The following AFAP1L1 variants were observed in gnomAD, a reference collection of about 807,000 sequenced individuals.
The protein encoded by AFAP1L1 is actin filament-associated protein 1-like 1.
AFAP1L1 carries 77 observed loss-of-function variants against 99.8 expected under a neutral mutation model. The observed-to-expected ratio is 0.77, with a 90% CI of 0.64 to 0.93. The LOEUF (loss-of-function observed/expected upper bound fraction) is 0.93, where lower values mean the gene tolerates loss of function less well. AFAP1L1 is among the 40% of genes least tolerant of loss of function. The pLI is 0.00. For missense variants in AFAP1L1, 893 were observed against 996.8 expected (o/e 0.90, Z 1.40); for synonymous variants, 373 against 395.3 (o/e 0.94, Z 0.67).
chr5:149,299,410 G>A, intron 1 of AFAP1L1, 99 bp from the exon 2 acceptor site: 6 of 1,518,076 alleles, frequency 4.0e-6, no homozygotes, highest in Non-Finnish European at 4.4e-6. Flanking sequence ...CCTGCCCTCT[G>A]ACCCCTTCCG....
At chr5:149,334,890 A>G (rs1757359639) in intron 17 of AFAP1L1, among the ~76,000 whole-genome samples, 3 of 152,042 alleles carry the variant, frequency 2.0e-5, no homozygotes, top group Admixed American at 2.0e-4. Flanking sequence ...CAAAAAAAAA[A>G]GAAAGAAAGG....
chr5:149,319,653 G>A lies in AFAP1L1; in HGVS notation c.1551G>A (p.Pro517=), dbSNP rs144786374. 1.7e-5 allele frequency: 28 copies of A among 1,612,808 alleles called. No individual in the cohort carries two copies. The African/African-American group carries it at 2.7e-4, about 15-fold the overall frequency. The change falls in exon 13 of 19, where the codon CCG becomes CCA. Residue 517 remains proline (P), a synonymous_variant. Transcript: ENST00000296721. ...LLVEMGSRVT[P]EALHYDYVDV... ...TGGAGATGGGCTCCAGAGTCACTCC[G>A]GAGGCGCTGCACTATGACTACGTGG...
At chr5:149,302,880 T>A (rs1448754134) in intron 5 of AFAP1L1, among the ~76,000 whole-genome samples, 1 of 152,202 alleles carries the variant, frequency 6.6e-6, no homozygotes, top group Non-Finnish European at 1.5e-5. Flanking sequence ...ACCACCACTA[T>A]ACTGTTCCCC....
In AFAP1L1 at chr5:149,315,838, G is replaced by A; in HGVS notation, c.1038G>A (p.Lys346=). The A allele has an allele frequency of 6.2e-7, 1 of 1,614,168 alleles. No homozygotes were observed. The highest frequency in any genetic ancestry group is 1.3e-5 in the African/African-American group (1 of 75,062). The stretch of plus-strand genomic sequence containing the variant: ...CTCCTCAGAGGCTGTCCCAAGAGAA[G>A]CAGACCTCAGATTCTGACAGCGTGG... ...LDLDKRLSQE[K]QTSDSDSVGV... Residue 346 remains lysine (K), a synonymous_variant, in exon 10 of 19, where the codon AAG becomes AAA. Transcript: ENST00000296721.
intron 5 of AFAP1L1, among the ~76,000 whole-genome samples, chr5:149,304,856 C>T (rs995274275): frequency 9.2e-5 from 14 of 152,222 alleles, no homozygotes; most frequent in Admixed American, 1.3e-4. Flanking sequence ...TCAGTGCTGC[C>T]GTCTTCAGGA....
intron 1 of AFAP1L1, among the ~76,000 whole-genome samples, chr5:149,277,768 G>A (rs973985807): frequency 6.6e-6 from 1 of 152,132 alleles, no homozygotes; most frequent in African/African-American, 2.4e-5. Context: ...TGACCCTTCA[G>A]TGTCTTCATT....
rs933709137 is a variant in AFAP1L1, at chr5:149,271,972, G to T, written c.4G>T (p.Asp2Tyr). Residue 2 changes from aspartate (D) to tyrosine (Y), a missense_variant, in exon 1 of 19, where the codon GAC (aspartate) becomes TAC (tyrosine). Coordinates refer to ENST00000296721, the MANE Select transcript of AFAP1L1 (RefSeq NM_152406.4). ...CCCCGGGGACCGGGCCGGCGCCATG[G>T]ACCGAGGCCAGGGTAAGAGGGGCCG... M[D>Y]RGQVLEQLLP... is the part of the protein sequence containing the mutation. 2.9e-5 allele frequency: 36 copies of T among 1,237,106 alleles called. No individual in the cohort carries two copies. Among genetic ancestry groups the T allele is most frequent in the Non-Finnish European group, 3.2e-5 (32 of 988,240 alleles). The allele number at this position is 1,237,106 out of a possible 1,614,324, so 76.6% of individuals were successfully genotyped here.
At chr5:149,336,893 T>C (rs558331065) in intron 18 of AFAP1L1, among the ~76,000 whole-genome samples, 1 of 152,220 alleles carries the variant, frequency 6.6e-6, no homozygotes, top group African/African-American at 2.4e-5. Context: ...GAAAAACAAA[T>C]GCCAGGCACA....
At chr5:149,279,038 C>A (rs960724740) in intron 1 of AFAP1L1, among the ~76,000 whole-genome samples, 6 of 152,212 alleles carry the variant, frequency 3.9e-5, no homozygotes, top group Admixed American at 6.5e-5. Flanking sequence ...ATTTTGAGCT[C>A]ATCTTATTCA....
At chr5:149,313,265 C>T (rs1399123658) in intron 9 of AFAP1L1, among the ~76,000 whole-genome samples, 1 of 152,176 alleles carries the variant, frequency 6.6e-6, no homozygotes, top group Non-Finnish European at 1.5e-5. Context: ...GGGCCTCAGA[C>T]CCAAGTCCTC....
At chr5:149,296,536 C>T (rs887827906) in intron 1 of AFAP1L1, among the ~76,000 whole-genome samples, 14 of 152,108 alleles carry the variant, frequency 9.2e-5, no homozygotes, top group Admixed American at 5.2e-4. Flanking sequence ...TTGCATCTGC[C>T]GTTGCCTCCC....
At chr5:149,307,663 G>C in intron 7 of AFAP1L1, 50 bp downstream of exon 7, 1 of 1,579,250 alleles carries the variant, frequency 6.3e-7, no homozygotes, top group Admixed American at 1.7e-5. Flanking sequence ...GGACTTGCAT[G>C]TGGGTGTGTC....
At chr5:149,338,954 A>C (rs952816301) in intron 18 of AFAP1L1, among the ~76,000 whole-genome samples, 2 of 152,196 alleles carry the variant, frequency 1.3e-5, no homozygotes, top group African/African-American at 4.8e-5. Context: ...GAAAGGAACA[A>C]AGAGTGAGCA....
At chr5:149,290,074 A>C (rs1755804866) in intron 1 of AFAP1L1, among the ~76,000 whole-genome samples, 1 of 152,210 alleles carries the variant, frequency 6.6e-6, no homozygotes, top group Admixed American at 6.5e-5. Flanking sequence ...TCTACTAAAA[A>C]TACAAAAAAT....
rs780738931 is a variant in AFAP1L1, at chr5:149,317,872, G to A, written c.1411G>A (p.Gly471Ser). ...IALQGCEVAPGFGPRHPFAFR... is the reference protein window; with the variant it reads ...IALQGCEVAPSFGPRHPFAFR... ...CCTGCAAGGCTGTGAGGTGGCCCCG[G>A]GCTTTGGGCCCCGACACCCATTTGC... The change falls in exon 12 of 19, where the codon GGC becomes AGC. Residue 471 changes from glycine to serine, a missense_variant. Transcript: ENST00000296721. The A allele has an allele frequency of 4.7e-5, 75 of 1,603,400 alleles. No individual in the cohort carries two copies. The East Asian group carries it at 1.7e-3, about 36-fold the overall frequency.
intron 1 of AFAP1L1, among the ~76,000 whole-genome samples, chr5:149,274,521 AAC>A (rs1755247441): frequency 6.6e-6 from 1 of 152,194 alleles, no homozygotes; most frequent in Non-Finnish European, 1.5e-5. Context: ...AATAATTGCA[AAC>A]ACAACCGTTT....
At chr5:149,273,797 C>A (rs1460515545) in intron 1 of AFAP1L1, among the ~76,000 whole-genome samples, 3 of 151,836 alleles carry the variant, frequency 2.0e-5, no homozygotes, top group South Asian at 4.2e-4. Context: ...CCGCCACCTC[C>A]CCAACCTCTC....
At chr5:149,339,299 C>T (rs1400568226) in intron 18 of AFAP1L1, among the ~76,000 whole-genome samples, 5 of 151,334 alleles carry the variant, frequency 3.3e-5, no homozygotes, top group Non-Finnish European at 7.4e-5. Flanking sequence ...AAGCAATTCT[C>T]CTGCCTTAGC....
Position 149,343,255 on chromosome 5 carries a change from C to G in AFAP1L1, c.*3225C>G, listed in dbSNP as rs988070956. Among the ~76,000 whole-genome samples the G allele has an allele frequency of 1.3e-5, 2 of 151,888 alleles. No homozygotes were observed. The highest frequency in any genetic ancestry group is 4.8e-5 in the African/African-American group (2 of 41,328). ...AGACAAGCAGGAAAGAAAATGTGAC[C>G]CAAATAACTACAGTACAAATAACCC... On this transcript the variant is annotated 3_prime_UTR_variant, in exon 19 of 19. Coordinates refer to ENST00000296721, the MANE Select transcript of AFAP1L1 (RefSeq NM_152406.4).
Sources: gnomAD v4.1 joint callset for allele counts (sites outside exome capture counted in the v4.1 genomes callset) on GRCh38, gnomAD v4.1.1 for gene constraint, MANE v1.5 for transcripts, NCBI Gene and HGNC (gene_info 2026-07-23, HGNC 2026-07-21) for gene names.